UNC80: variants seen among roughly 807,000 people sequenced by gnomAD.
UNC80 encodes the protein protein unc-80 homolog.
Under a neutral mutation model 384.6 loss-of-function variants are expected in UNC80, and 164 were observed. That is an observed-to-expected ratio of 0.43 (90% CI 0.38 to 0.49). The LOEUF is 0.49. Among genes scored for constraint, UNC80 ranks in the 20% least tolerant of loss-of-function variants. The pLI, the probability that UNC80 is intolerant of heterozygous loss-of-function variation, is 0.00. For missense variants in UNC80, 3,330 were observed against 4,143.0 expected, an observed-to-expected ratio of 0.80 and a Z score of 5.39; for synonymous variants, 1,486 against 1,527.8, an observed-to-expected ratio of 0.97 and a Z score of 0.64.
At chr2:209,943,075 C>G (rs923006504) in intron 44 of UNC80, among the ~76,000 whole-genome samples, 4 of 152,140 alleles carry the variant, frequency 2.6e-5, no homozygotes, top group African/African-American at 9.7e-5. Flanking sequence ...ATATTTTCCA[C>G]TGTTATAGCC....
intron 6 of UNC80, among the ~76,000 whole-genome samples, chr2:209,792,410 C>T (rs960153227): frequency 8.5e-5 from 13 of 152,210 alleles, no homozygotes; most frequent in South Asian, 2.1e-4. Flanking sequence ...TGCAGTGGCG[C>T]GATCTTGGCT....
intron 52 of UNC80, chr2:209,969,435 T>C: frequency 3.7e-6 from 1 of 271,434 alleles, no homozygotes; most frequent in Non-Finnish European, 7.0e-6. Context: ...AGATTAGTTC[T>C]ATTGGGAGTA....
At chr2:209,862,402 G>C (rs1055430433) in intron 22 of UNC80, among the ~76,000 whole-genome samples, 1 of 152,146 alleles carries the variant, frequency 6.6e-6, no homozygotes, top group Admixed American at 6.5e-5. Context: ...TCATTGATCT[G>C]TCTAATATTG....
intron 29 of UNC80, among the ~76,000 whole-genome samples, chr2:209,910,189 T>A (rs1482140843): frequency 6.6e-6 from 1 of 151,386 alleles, no homozygotes; most frequent in South Asian, 2.1e-4. Flanking sequence ...GTTGCTAATC[T>A]TGAGTTTCTC....
intron 21 of UNC80, among the ~76,000 whole-genome samples, chr2:209,844,443 CTCTTT>C (rs1487142121): frequency 0.011 from 1,395 of 128,886 alleles, 137 homozygotes; most frequent in African/African-American, 0.045. Flanking sequence ...TCTTTTCTTG[CTCTTT>C]TCTTTTCTTT....
At chr2:209,893,590 T>G (rs566098434) in intron 26 of UNC80, among the ~76,000 whole-genome samples, 1 of 152,214 alleles carries the variant, frequency 6.6e-6, no homozygotes, top group South Asian at 2.1e-4. Context: ...TAGTATGAAG[T>G]CATTAAGTGC....
chr2:209,905,068 A>G (rs2088019865), intron 29 of UNC80, 103 bp downstream of exon 29: 1 of 1,227,162 alleles, frequency 8.1e-7, no homozygotes, highest in Non-Finnish European at 1.2e-6. Flanking sequence ...AATTGTAACA[A>G]TCAGGTCTGT....
chr2:209,987,283 C>T lies in UNC80; in HGVS notation c.9314+2371C>T, dbSNP rs2093308517. On this transcript the variant is annotated intron_variant, in intron 61 of 64. Transcript: ENST00000673920. Reference sequence around the variant, plus strand: ...TGGAAATCAATAAAAATTTGCCATACCTATAGAAAATTACTTCTAGGATTT... The same window carrying T: ...TGGAAATCAATAAAAATTTGCCATATCTATAGAAAATTACTTCTAGGATTT... Among the ~76,000 whole-genome samples, 5 of 152,050 alleles carry T rather than the reference C, an allele frequency of 3.3e-5. 1 individual carries two copies. The South Asian group carries it at 1.0e-3, about 32-fold the overall frequency.
intron 8 of UNC80, among the ~76,000 whole-genome samples, chr2:209,814,120 G>A (rs916796212): frequency 6.6e-6 from 1 of 152,170 alleles, no homozygotes; most frequent in Non-Finnish European, 1.5e-5. Context: ...GATAATCAAA[G>A]TAGTAATTAA....
At chr2:209,831,241 A>T (rs2153828611) in intron 15 of UNC80, among the ~76,000 whole-genome samples, 1 of 152,228 alleles carries the variant, frequency 6.6e-6, no homozygotes, top group East Asian at 1.9e-4. Context: ...TGGTTTTATC[A>T]CAGTAAAGGC....
At chr2:209,871,919 CA>C (rs371264375) in intron 22 of UNC80, among the ~76,000 whole-genome samples, 13 of 148,866 alleles carry the variant, frequency 8.7e-5, no homozygotes, top group Non-Finnish European at 1.8e-4. Context: ...CAAACATTTT[CA>C]ATTAAAACCA....
At chr2:209,783,955 C>G (rs2077285396) in intron 4 of UNC80, among the ~76,000 whole-genome samples, 1 of 152,156 alleles carries the variant, frequency 6.6e-6, no homozygotes, top group Non-Finnish European at 1.5e-5. Context: ...AGCTGTCTGT[C>G]TAAGTGCTTA....
chr2:209,870,509 T>C (rs898992154), intron 22 of UNC80, among the ~76,000 whole-genome samples: 1 of 152,178 alleles, frequency 6.6e-6, no homozygotes, highest in Non-Finnish European at 1.5e-5. Flanking sequence ...TGCTTCCTAG[T>C]CTTGACCCCA....
intron 41 of UNC80, 100 bp downstream of exon 41, chr2:209,937,033 G>A (rs1319869244): frequency 5.2e-6 from 4 of 773,154 alleles, no homozygotes; most frequent in South Asian, 1.7e-5. Flanking sequence ...TGTTTAGAAG[G>A]TAATAGTATG....
At chr2:209,971,017 T>C (rs2092868682) in intron 54 of UNC80, 60 bp downstream of exon 54, 1 of 1,507,458 alleles carries the variant, frequency 6.6e-7, no homozygotes. Context: ...CACCAGATCA[T>C]GGTGTTCTCG....
At chr2:209,945,299 T>A in intron 46 of UNC80, 110 bp downstream of exon 46, 1 of 1,124,434 alleles carries the variant, frequency 8.9e-7, no homozygotes, top group Non-Finnish European at 1.2e-6. Context: ...TATATATAAC[T>A]AAATCAAAGT....
chr2:209,786,980 CATATATATATATATATATATATAT>C lies in UNC80; in HGVS notation c.724+807_724+830del, dbSNP rs60467878. On this transcript the variant is annotated intron_variant, in intron 5 of 64. Coordinates refer to ENST00000673920, the MANE Select transcript of UNC80 (RefSeq NM_001371986.1). ...AAATTATGTGGAAAATCTACAGAAG[CATATATATATATATATATATATAT>C]ATATATATATATATACCTATATATT... Among the ~76,000 whole-genome samples the C allele has an allele frequency of 1.6e-3, 211 of 135,844 alleles. 3 individuals are homozygous for C. The highest frequency in any genetic ancestry group is 5.8e-3 in the African/African-American group (204 of 35,406). 89.1% of individuals were successfully genotyped at this position (135,844 alleles called of 152,430 possible). A position where few individuals can be genotyped will look rare whatever the true frequency, so the allele number is the denominator to read the frequency against.
intron 13 of UNC80, among the ~76,000 whole-genome samples, chr2:209,823,331 T>C (rs2080272774): frequency 6.6e-6 from 1 of 152,350 alleles, no homozygotes; most frequent in East Asian, 1.9e-4. Context: ...AGAAAAGTTT[T>C]AAAGGAGCTT....
intron 27 of UNC80, among the ~76,000 whole-genome samples, chr2:209,894,657 G>A (rs2086644317): frequency 6.6e-6 from 1 of 152,160 alleles, no homozygotes; most frequent in African/African-American, 2.4e-5. Context: ...TGGTGGAGCC[G>A]ATGCTGCTGA....
Sources: gnomAD v4.1 joint callset for allele counts (sites outside exome capture counted in the v4.1 genomes callset) on GRCh38, gnomAD v4.1.1 for gene constraint, MANE v1.5 for transcripts, NCBI Gene and HGNC (gene_info 2026-07-23, HGNC 2026-07-21) for gene names.